DYNC2H1: variants seen among roughly 807,000 people sequenced by gnomAD.
The protein encoded by DYNC2H1 is dynein cytoplasmic 2 heavy chain 1.
A neutral mutation model predicts 570.0 loss-of-function variants in DYNC2H1; 410 were observed. The ratio of observed to expected loss-of-function variants is 0.72; its 90% CI spans 0.66 to 0.78. DYNC2H1 has a LOEUF of 0.78. DYNC2H1 is among the 30% of genes least tolerant of loss of function. The pLI is 0.00. For synonymous variants in DYNC2H1, 1,688 were observed against 1,677.6 expected (o/e 1.01, Z -0.15); for missense variants, 4,865 against 5,046.4 (o/e 0.96, Z 1.09).
At chr11:103,286,812 A>G (rs1464160989) in intron 74 of DYNC2H1, among the ~76,000 whole-genome samples, 1 of 152,150 alleles carries the variant, frequency 6.6e-6, no homozygotes, top group Non-Finnish European at 1.5e-5. Flanking sequence ...TTGCTAGTCA[A>G]AAAGCTTAGA....
In DYNC2H1 at chr11:103,244,844, A is replaced by G. The variant is rs1864551219; in HGVS notation, c.9919-407A>G. 6.6e-6 allele frequency among the ~76,000 whole-genome samples: 1 copy of G among 150,686 alleles called. No homozygotes were observed. The highest frequency in any genetic ancestry group is 1.5e-5 in the Non-Finnish European group (1 of 67,616). Reference sequence around the variant, plus strand: ...TAAGTAACTATATAGTTACTTTTATATATATGTACACACACACATATATAT... The same window carrying G: ...TAAGTAACTATATAGTTACTTTTATGTATATGTACACACACACATATATAT... On this transcript the variant is annotated intron_variant, in intron 64 of 88. Transcript: ENST00000375735. This position sits in a 1 kb window ranked among gnomAD's most constrained non-coding sequence, Gnocchi z 4.3.
At chr11:103,385,665 A>T (rs1300042509) in intron 83 of DYNC2H1, among the ~76,000 whole-genome samples, 4 of 152,214 alleles carry the variant, frequency 2.6e-5, no homozygotes, top group Admixed American at 2.0e-4. Flanking sequence ...ATATTTACAT[A>T]TCAAAAGGAA....
Position 103,239,960 on chromosome 11 carries a change from C to T in DYNC2H1, c.9819+3421C>T, listed in dbSNP as rs1452225957. ...ACTCTTGACCTACAGTTCTAACTAC[C>T]TGTTAGATATTTTTACCCATTCTTT... On this transcript the variant is annotated intron_variant, in intron 63 of 88. Transcript: ENST00000375735. The surrounding 1 kb of genome is among the most constrained non-coding windows in gnomAD (Gnocchi z 4.3). Among the ~76,000 whole-genome samples the T allele has an allele frequency of 9.9e-5, 15 of 151,858 alleles. No individual in the cohort carries two copies. The highest frequency in any genetic ancestry group is 1.5e-5 in the Non-Finnish European group (1 of 67,968).
chr11:103,178,761 C>A (rs1861729714), intron 38 of DYNC2H1, among the ~76,000 whole-genome samples: 2 of 152,000 alleles, frequency 1.3e-5, no homozygotes, highest in South Asian at 4.1e-4. Flanking sequence ...AGACAAAAGT[C>A]TGAAGAATAT....
rs1187697279 is a variant in DYNC2H1 at position 103,363,007 on chromosome 11, G to C, written c.12156+4648G>C. ...GATTGTACCACTGCACTCCAGCCTG[G>C]GCGACAGAGCAAGACTCTGTCTCAA... is the stretch of plus-strand genomic sequence containing the variant. On this transcript the variant is annotated intron_variant, in intron 83 of 88. Coordinates refer to ENST00000375735, the MANE Select transcript of DYNC2H1 (RefSeq NM_001377.3). This position sits in a 1 kb window ranked among gnomAD's most constrained non-coding sequence, Gnocchi z 5.6. Among the ~76,000 whole-genome samples the C allele has an allele frequency of 6.6e-6, 1 of 151,804 alleles. No individual in the cohort carries two copies. The highest frequency in any genetic ancestry group is 1.5e-5 in the Non-Finnish European group (1 of 67,978).
At chr11:103,317,858 T>C (rs1937947118) in intron 80 of DYNC2H1, among the ~76,000 whole-genome samples, 1 of 147,754 alleles carries the variant, frequency 6.8e-6, no homozygotes, top group African/African-American at 2.5e-5. Context: ...CTTAATACAT[T>C]AGTACTACCT....
chr11:103,198,681 G>A (rs1862598556), intron 48 of DYNC2H1, among the ~76,000 whole-genome samples: 1 of 152,134 alleles, frequency 6.6e-6, no homozygotes, highest in Non-Finnish European at 1.5e-5. Flanking sequence ...AATGGATGTT[G>A]CAAAGTTTTG....
chr11:103,163,221 T>C lies in DYNC2H1; in HGVS notation c.4611+74T>C, dbSNP rs1861170453. The C allele has an allele frequency of 8.0e-6, 12 of 1,491,512 alleles. No homozygotes were observed. Among genetic ancestry groups the C allele is most frequent in the Non-Finnish European group, 9.0e-6 (10 of 1,112,728 alleles). 92.4% of individuals were successfully genotyped at this position (1,491,512 alleles called of 1,614,324 possible). ...ATCCCTGACCTAGAAGCCAGGAGGC[T>C]CAGATAAATCGCATCTGTTTTCTCC... On this transcript the variant is annotated intron_variant, in intron 30 of 88. Transcript: ENST00000375735. The surrounding 1 kb of genome is among the most constrained non-coding windows in gnomAD (Gnocchi z 4.6).
intron 73 of DYNC2H1, 104 bp downstream of exon 73, chr11:103,283,189 A>G: frequency 1.2e-6 from 1 of 852,382 alleles, no homozygotes; most frequent in Non-Finnish European, 1.8e-6. Flanking sequence ...AACATTTTTA[A>G]TAGGATGTAA....
chr11:103,235,348 T>C (rs1308067115), intron 61 of DYNC2H1, among the ~76,000 whole-genome samples: 2 of 152,072 alleles, frequency 1.3e-5, no homozygotes, highest in South Asian at 4.1e-4. Flanking sequence ...GTTCATTCTC[T>C]GTGTCTTAAT....
intron 70 of DYNC2H1, among the ~76,000 whole-genome samples, chr11:103,272,709 C>G (rs568278472): frequency 6.6e-6 from 1 of 152,206 alleles, no homozygotes; most frequent in South Asian, 2.1e-4. Flanking sequence ...ATAAGATTCA[C>G]TTTAAGATGT....
At chr11:103,298,358 C>A (rs1276764607) in intron 75 of DYNC2H1, among the ~76,000 whole-genome samples, 4 of 151,948 alleles carry the variant, frequency 2.6e-5, no homozygotes, top group African/African-American at 9.7e-5. Context: ...CCCATTTAGT[C>A]TTTAATATAC....
At position 103,231,302 on chromosome 11, in the gene DYNC2H1, G is replaced by T; in HGVS notation, c.9396G>T (p.Glu3132Asp). The change falls in exon 60 of 89, where the codon GAG becomes GAT. Residue 3132 changes from glutamate (E) to aspartate (D), a missense_variant. Physicochemically the swap from Glu to Asp is conservative, Grantham distance 45. Around this residue, in one of 5 missense-constraint regions of DYNC2H1, gnomAD observed 2,401 missense variants for 2,454.6 expected, o/e 0.98. Coordinates refer to ENST00000375735, the MANE Select transcript of DYNC2H1 (RefSeq NM_001377.3). Reference sequence around the variant, plus strand: ...AAGACAGAAAAAGGAAACTAGAGGAGCTTCTTAATTCTGTTGGTCAAAAGG... The same window carrying T: ...AAGACAGAAAAAGGAAACTAGAGGATCTTCTTAATTCTGTTGGTCAAAAGG... ...KTEDRKRKLEELLNSVGQKVS... is the reference protein window; with the variant it reads ...KTEDRKRKLEDLLNSVGQKVS... 1.9e-6 allele frequency: 3 copies of T among 1,607,386 alleles called. No homozygotes were observed. The highest frequency in any genetic ancestry group is 2.5e-6 in the Non-Finnish European group (3 of 1,177,128).
Position 103,181,641 on chromosome 11 carries a change from G to C in DYNC2H1, c.6348-116G>C. The C allele has an allele frequency of 8.9e-7, 1 of 1,126,802 alleles. No individual in the cohort carries two copies. The highest frequency in any genetic ancestry group is 1.2e-6 in the Non-Finnish European group (1 of 805,464). 69.8% of individuals were successfully genotyped at this position (1,126,802 alleles called of 1,614,324 possible). A position where few individuals can be genotyped will look rare whatever the true frequency, so the allele number is the denominator to read the frequency against. On this transcript the variant is annotated intron_variant, in intron 39 of 88. Coordinates refer to ENST00000375735, the MANE Select transcript of DYNC2H1 (RefSeq NM_001377.3). This position sits in a 1 kb window ranked among gnomAD's most constrained non-coding sequence, Gnocchi z 5.0. ...AGTAAAGTAACTAAAGCCACCTTTT[G>C]TATGCTAGCAGACAAAATATGTGCG...
intron 82 of DYNC2H1, among the ~76,000 whole-genome samples, chr11:103,331,130 G>T (rs1391388381): frequency 6.6e-6 from 1 of 152,072 alleles, no homozygotes; most frequent in East Asian, 1.9e-4. Flanking sequence ...TGCTTACCTG[G>T]GGCATATGGC....
At chr11:103,427,431 C>G (rs1421006663) in intron 84 of DYNC2H1, among the ~76,000 whole-genome samples, 1 of 152,086 alleles carries the variant, frequency 6.6e-6, no homozygotes, top group African/African-American at 2.4e-5. Flanking sequence ...CTAAGCTTCA[C>G]TATAAGTATT....
chr11:103,172,779 G>A (rs189382632), intron 34 of DYNC2H1, among the ~76,000 whole-genome samples: 98 of 151,922 alleles, frequency 6.5e-4, no homozygotes, highest in African/African-American at 2.3e-3. Flanking sequence ...TATATTTAAT[G>A]TATAAATAGA....
chr11:103,210,435 A>G (rs903638185), intron 53 of DYNC2H1, among the ~76,000 whole-genome samples: 2 of 151,798 alleles, frequency 1.3e-5, no homozygotes, highest in Admixed American at 6.6e-5. Context: ...TTTTTATACC[A>G]TAGCTTATTA....
intron 20 of DYNC2H1, among the ~76,000 whole-genome samples, chr11:103,150,179 C>T (rs188119291): frequency 4.6e-5 from 7 of 152,168 alleles, no homozygotes; most frequent in South Asian, 2.1e-4. Context: ...GTAAGAAGTT[C>T]GTATTTTATT....
Sources: gnomAD v4.1 joint callset for allele counts (sites outside exome capture counted in the v4.1 genomes callset) on GRCh38, gnomAD v4.1.1 for gene constraint, gnomAD v4.1.1 regional missense constraint, Gnocchi (gnomAD v3.1) non-coding constraint, MANE v1.5 for transcripts, NCBI Gene and HGNC (gene_info 2026-07-23, HGNC 2026-07-21) for gene names.